The following PER2 variants were observed in gnomAD, a reference collection of about 807,000 sequenced individuals.
PER2 encodes period circadian protein homolog 2.
A neutral mutation model predicts 121.0 loss-of-function variants in PER2; 66 were observed. That is an observed-to-expected ratio of 0.55 (90% CI 0.45 to 0.67). PER2 has a LOEUF of 0.67. PER2 is among the 30% of genes least tolerant of loss of function. PER2 has a pLI of 0.00. For missense variants in PER2, 1,521 were observed against 1,635.0 expected (o/e 0.93, Z 1.20); for synonymous variants, 684 against 659.9 (o/e 1.04, Z -0.56).
At chr2:238,260,171 G>A (rs565752947) in intron 13 of PER2, 118 bp from the exon 14 acceptor site, 105 of 646,452 alleles carry the variant, frequency 1.6e-4, no homozygotes, top group African/African-American at 1.6e-3. Context: ...GGAAACTGTG[G>A]ATGAGAAATC....
At chr2:238,260,385 T>C (rs919540056) in intron 13 of PER2, among the ~76,000 whole-genome samples, 5 of 151,620 alleles carry the variant, frequency 3.3e-5, no homozygotes, top group Non-Finnish European at 7.4e-5. Flanking sequence ...GCCTCCCGAG[T>C]AGCTGGGATT....
intron 3 of PER2, 46 bp from the exon 4 acceptor site, chr2:238,275,943 G>A (rs1696441638): frequency 6.2e-7 from 1 of 1,605,776 alleles, no homozygotes; most frequent in Admixed American, 1.7e-5. Flanking sequence ...CTTCCTAGGT[G>A]TCCTTTCCTG....
At position 238,262,262 on chromosome 2, in the gene PER2, G is replaced by A; in HGVS notation, c.1236C>T (p.Thr412=). The A allele has an allele frequency of 6.2e-7, 1 of 1,613,852 alleles. No homozygotes were observed. The highest frequency in any genetic ancestry group is 1.3e-5 in the African/African-American group (1 of 75,000). Reference sequence around the variant, plus strand: ...ATGGGTTGATGAAGCTGGACCAGCTGGTGTCCAACGTGATGTACTCTCCGT... The same window carrying A: ...ATGGGTTGATGAAGCTGGACCAGCTAGTGTCCAACGTGATGTACTCTCCGT... ...ARNGEYITLD[T]SWSSFINPWS... is the part of the protein sequence containing the mutation. Residue 412 remains threonine, a synonymous_variant, in exon 11 of 23, where the codon ACC becomes ACT. Transcript: ENST00000254657.
At chr2:238,266,106 T>C (rs909667696) in intron 8 of PER2, among the ~76,000 whole-genome samples, 2 of 152,066 alleles carry the variant, frequency 1.3e-5, no homozygotes, top group South Asian at 2.1e-4. Flanking sequence ...GGTTTCACCG[T>C]GTTGGCCAGG....
At chr2:238,267,947 G>T in intron 8 of PER2, 109 bp downstream of exon 8, 1 of 1,263,266 alleles carries the variant, frequency 7.9e-7, no homozygotes, top group Non-Finnish European at 1.1e-6. Context: ...GGCCAAGGCT[G>T]GGGAACTGCA....
rs1398458915 is a variant in PER2, at chr2:238,246,511, C to T, written c.3632G>A (p.Cys1211Tyr). Residue 1211 changes from cysteine (C) to tyrosine (Y), a missense_variant, in exon 23 of 23, where the codon TGT becomes TAT. By Grantham distance (194) the Cys-to-Tyr change is radical (BLOSUM62 -2). Coordinates refer to ENST00000254657, the MANE Select transcript of PER2 (RefSeq NM_022817.3). ...AAIDVAECVYCENKEKGNICI... is the reference protein window; with the variant it reads ...AAIDVAECVYYENKEKGNICI... ...AATATTACCTTTTTCCTTGTTTTCA[C>T]AGTAAACACATTCCTTAAAAGAAAA... is the stretch of plus-strand genomic sequence containing the variant. The T allele has an allele frequency of 1.9e-6, 3 of 1,560,520 alleles. No homozygotes were observed. The highest frequency in any genetic ancestry group is 1.1e-5 in the South Asian group (1 of 89,882).
At chr2:238,281,762 G>C (rs1168068456) in intron 1 of PER2, among the ~76,000 whole-genome samples, 1 of 152,334 alleles carries the variant, frequency 6.6e-6, no homozygotes, top group Middle Eastern at 3.4e-3. Context: ...AGTGGCTCTT[G>C]TGTGTGGTGG....
chr2:238,273,540 G>C (rs1696359199), intron 4 of PER2, among the ~76,000 whole-genome samples: 1 of 150,686 alleles, frequency 6.6e-6, no homozygotes, highest in African/African-American at 2.4e-5. Flanking sequence ...TTGTTACCCA[G>C]GCTAGAGTGC....
At chr2:238,248,029 T>C (rs1695493786) in intron 22 of PER2, among the ~76,000 whole-genome samples, 1 of 152,172 alleles carries the variant, frequency 6.6e-6, no homozygotes, top group Non-Finnish European at 1.5e-5. Flanking sequence ...ACCCACCAGC[T>C]GGGGCCTGAT....
At chr2:238,297,836 A>C in the PER2 span, among the ~76,000 whole-genome samples, 1 of 152,174 alleles carries the variant, frequency 6.6e-6, no homozygotes, top group Non-Finnish European at 1.5e-5. Flanking sequence ...TTGGGCCAAA[A>C]TCCAAGGCAT....
At chr2:238,297,694 G>A in the PER2 span, among the ~76,000 whole-genome samples, 3 of 152,198 alleles carry the variant, frequency 2.0e-5, no homozygotes, top group Non-Finnish European at 4.4e-5. Flanking sequence ...TGCTAGACAC[G>A]GTAGCCTGGG....
chr2:238,294,298 C>T (rs901494299), upstream of PER2, among the ~76,000 whole-genome samples: 2 of 152,182 alleles, frequency 1.3e-5, no homozygotes, highest in South Asian at 2.1e-4. Context: ...TTCCTGGGGG[C>T]GTCACTGAGG....
chr2:238,258,602 G>A lies in PER2; in HGVS notation c.1670C>T (p.Ala557Val). Residue 557 changes from alanine (A) to valine (V), a missense_variant, in exon 15 of 23, where the codon GCC becomes GTC. Ala to Val is a moderately conservative substitution (Grantham distance 64). Transcript: ENST00000254657. ...GACCCCCAGGCTGTCCTTTTCCATG[G>A]CAGGGACAGCTTTCTTCTCAGCTGG... ...NPPAEKKAVPAMEKDSLGVSF... is the reference protein window; with the variant it reads ...NPPAEKKAVPVMEKDSLGVSF... 1 of 1,614,042 alleles carries A rather than the reference G, an allele frequency of 6.2e-7. No individual in the cohort carries two copies. Among genetic ancestry groups the A allele is most frequent in the East Asian group, 2.2e-5 (1 of 44,892 alleles).
Position 238,277,741 on chromosome 2 carries a change from C to T in PER2, c.196G>A (p.Gly66Arg), listed in dbSNP as rs1432963906. The T allele has an allele frequency of 2.5e-6, 4 of 1,614,188 alleles. No individual in the cohort carries two copies. Among genetic ancestry groups the T allele is most frequent in the Admixed American group, 1.7e-5 (1 of 60,026 alleles). The change falls in exon 2 of 23, where the codon GGG (glycine) becomes AGG (arginine). Residue 66 changes from glycine (G) to arginine (R), a missense_variant. Gly to Arg is a moderately radical substitution (Grantham distance 125). Transcript: ENST00000254657. The stretch of plus-strand genomic sequence containing the variant: ...GCATCCGGTGGCTCCACCAGCATCC[C>T]CAGCTCCTTCCCACTGTCGTCACAG... ...SDCDDSGKELGMLVEPPDARQ... is the reference protein window; with the variant it reads ...SDCDDSGKELRMLVEPPDARQ...
intron 9 of PER2, among the ~76,000 whole-genome samples, chr2:238,263,702 T>TAAC (rs1224079416): frequency 2.6e-5 from 4 of 152,214 alleles, no homozygotes; most frequent in African/African-American, 7.2e-5. Context: ...ATCTGCCTCT[T>TAAC]AACACTTGTT....
intron 18 of PER2, 104 bp downstream of exon 18, chr2:238,255,553 G>C (rs1034162849): frequency 5.1e-6 from 6 of 1,178,560 alleles, no homozygotes; most frequent in Admixed American, 5.1e-5. Flanking sequence ...ATATGTTAAT[G>C]CTTCTGAAAC....
chr2:238,270,935 A>T (rs1200778987), intron 6 of PER2, among the ~76,000 whole-genome samples: 1 of 152,228 alleles, frequency 6.6e-6, no homozygotes, highest in Non-Finnish European at 1.5e-5. Flanking sequence ...CACTGGTTGC[A>T]GCTGCTAAGG....
In PER2 at chr2:238,284,840, G is replaced by A. The variant is rs182325096; in HGVS notation, c.-20+3509C>T. 5.1e-4 allele frequency among the ~76,000 whole-genome samples: 78 copies of A among 152,344 alleles called. No homozygotes were observed. In the South Asian group the frequency reaches 0.014, roughly 27 times the overall value. ...GAAACTTCGTCATTCCAGAAAATGC[G>A]TCTCTCAGCCTCAGCGGCTCTAATA... On this transcript the variant is annotated intron_variant, in intron 1 of 22. Transcript: ENST00000254657.
rs545255262 is a variant in PER2, at chr2:238,282,294, C to T, written c.-19-4339G>A. On this transcript the variant is annotated intron_variant, in intron 1 of 22. Coordinates refer to ENST00000254657, the MANE Select transcript of PER2 (RefSeq NM_022817.3). ...GCCTGGGCAGCCTGCATGAACAGCA[C>T]CGTCTCCCCACCAGCTCCTTCTCTG... Among the ~76,000 whole-genome samples the T allele has an allele frequency of 3.5e-3, 532 of 152,284 alleles. 4 individuals are homozygous for T. The highest frequency in any genetic ancestry group is 0.024 in the Middle Eastern group (7 of 294).
Sources: allele counts gnomAD v4.1 joint callset (sites outside exome capture counted in the v4.1 genomes callset), GRCh38; gene constraint gnomAD v4.1.1; transcripts MANE v1.5; gene names NCBI Gene and HGNC (gene_info 2026-07-23, HGNC 2026-07-21).